Variants in DSCAM observed in about 807,000 individuals in gnomAD.
DSCAM encodes the protein cell adhesion molecule DSCAM.
A neutral mutation model predicts 217.7 loss-of-function variants in DSCAM; 47 were observed. The observed-to-expected ratio is 0.22, with a 90% CI of 0.17 to 0.28. The LOEUF (loss-of-function observed/expected upper bound fraction) is 0.28. Ranked by LOEUF, DSCAM falls within the 10% of genes least tolerant of loss-of-function variation. DSCAM has a pLI of 1.00. For synonymous variants in DSCAM, 1,056 were observed against 1,015.3 expected (o/e 1.04, Z -0.76); for missense variants, 2,080 against 2,618.3 (o/e 0.79, Z 4.49).
At chr21:40,519,347 C>A (rs1413083002) in intron 3 of DSCAM, among the ~76,000 whole-genome samples, 1 of 152,094 alleles carries the variant, frequency 6.6e-6, no homozygotes, top group Non-Finnish European at 1.5e-5. Flanking sequence ...AAAAAAGTCT[C>A]AGTGCTATGG....
At chr21:40,539,717 G>T (rs1334886931) in intron 3 of DSCAM, among the ~76,000 whole-genome samples, 1 of 151,934 alleles carries the variant, frequency 6.6e-6, no homozygotes, top group Admixed American at 6.6e-5. Flanking sequence ...AGATGAGAAG[G>T]GATATTATGA....
chr21:40,155,388 G>A (rs931430533), intron 16 of DSCAM, among the ~76,000 whole-genome samples: 8 of 152,184 alleles, frequency 5.3e-5, no homozygotes, highest in African/African-American at 1.2e-4. Context: ...ACTATTTAGC[G>A]GTGGCTGAGT....
At position 40,435,883 on chromosome 21, in the gene DSCAM, T is replaced by C. The variant is rs112395971; in HGVS notation, c.509-66638A>G. ...TTGATCTTTTCCCAGGCTAGCGATA[T>C]GTGATATGATACCCTCTCATGATGC... On this transcript the variant is annotated intron_variant, in intron 3 of 32. Coordinates refer to ENST00000400454, the MANE Select transcript of DSCAM (RefSeq NM_001389.5). Among the ~76,000 whole-genome samples the C allele has an allele frequency of 8.5e-3, 1,292 of 152,294 alleles. 14 individuals carry two copies. The highest frequency in any genetic ancestry group is 0.029 in the African/African-American group (1,218 of 41,552).
chr21:40,019,493 T>G lies in DSCAM; in HGVS notation c.5687-6107A>C, dbSNP rs2088223568. ...TAACTTAGATAATGCATGTGAAAGC[T>G]TTCCCTGGATTAAGGAATCTGTTTC... On this transcript the variant is annotated intron_variant, in intron 32 of 32. Coordinates refer to ENST00000400454, the MANE Select transcript of DSCAM (RefSeq NM_001389.5). Among the ~76,000 whole-genome samples the G allele has an allele frequency of 2.0e-5, 3 of 152,230 alleles. No individual in the cohort carries two copies. The South Asian group carries it at 6.2e-4, about 32-fold the overall frequency.
At chr21:40,583,928 T>C (rs1397577714) in intron 3 of DSCAM, among the ~76,000 whole-genome samples, 2 of 140,738 alleles carry the variant, frequency 1.4e-5, no homozygotes, top group Non-Finnish European at 1.5e-5. Context: ...AAAGCCCAGA[T>C]AGTAAAGGAT....
chr21:40,323,886 C>G (rs917767515), intron 8 of DSCAM, among the ~76,000 whole-genome samples: 5 of 151,814 alleles, frequency 3.3e-5, no homozygotes, highest in Non-Finnish European at 7.4e-5. Context: ...GGCGGATCAT[C>G]TGAGGTCAGG....
intron 1 of DSCAM, among the ~76,000 whole-genome samples, chr21:40,735,031 A>AT (rs1211703480): frequency 1.3e-5 from 2 of 152,102 alleles, no homozygotes; most frequent in African/African-American, 4.8e-5. Context: ...TCACAAATGA[A>AT]TTTTTAAAAA....
chr21:40,768,896 T>C (rs2091420074), intron 1 of DSCAM, among the ~76,000 whole-genome samples: 1 of 152,148 alleles, frequency 6.6e-6, no homozygotes, highest in Non-Finnish European at 1.5e-5. Flanking sequence ...GCATTTTCTT[T>C]GAAAAGGAAG....
intron 9 of DSCAM, among the ~76,000 whole-genome samples, chr21:40,303,899 G>A (rs576461115): frequency 2.6e-5 from 4 of 152,196 alleles, no homozygotes; most frequent in East Asian, 1.9e-4. Context: ...GTGAGAAAAC[G>A]GCCCTCCTTT....
intron 3 of DSCAM, among the ~76,000 whole-genome samples, chr21:40,561,600 A>G (rs1251895112): frequency 6.6e-6 from 1 of 152,116 alleles, no homozygotes; most frequent in Non-Finnish European, 1.5e-5. Context: ...CTTTTCTTCA[A>G]ATGGTTTATA....
Position 40,012,867 on chromosome 21 carries a change from C to T in DSCAM, c.*167G>A. The T allele has an allele frequency of 2.0e-6, 1 of 490,356 alleles. No individual in the cohort carries two copies. The highest frequency in any genetic ancestry group is 3.2e-6 in the Non-Finnish European group (1 of 311,482). 30.4% of individuals were successfully genotyped at this position (490,356 alleles called of 1,614,324 possible). On this transcript the variant is annotated 3_prime_UTR_variant, in exon 33 of 33. Coordinates refer to ENST00000400454, the MANE Select transcript of DSCAM (RefSeq NM_001389.5). The stretch of plus-strand genomic sequence containing the variant: ...AGCTCACACTCAGACAGAAAAAAAG[C>T]AGGAGAGTCTTTGCACTGTCTGTGG...
intron 14 of DSCAM, among the ~76,000 whole-genome samples, chr21:40,183,235 C>T (rs145993321): frequency 6.6e-5 from 10 of 152,272 alleles, no homozygotes; most frequent in Non-Finnish European, 1.2e-4. Flanking sequence ...AAACTGCAGA[C>T]GAATCTGCTG....
At chr21:40,219,835 T>C (rs1321040806) in intron 11 of DSCAM, among the ~76,000 whole-genome samples, 1 of 152,202 alleles carries the variant, frequency 6.6e-6, no homozygotes, top group Non-Finnish European at 1.5e-5. Context: ...TGTTTGTAAA[T>C]TAATACAAAT....
chr21:40,125,394 C>T (rs1181414956), intron 19 of DSCAM, among the ~76,000 whole-genome samples: 1 of 152,174 alleles, frequency 6.6e-6, no homozygotes, highest in Non-Finnish European at 1.5e-5. Context: ...TCTCATTAAC[C>T]TCACTGTCCA....
At position 40,812,794 on chromosome 21, in the gene DSCAM, C is replaced by T. The variant is rs534179349; in HGVS notation, c.43+33825G>A. ...CTTTAAGGAATTCACTTAAAGGTCA[C>T]GCACAACCCAGTTGATACAGAGACT... On this transcript the variant is annotated intron_variant, in intron 1 of 32. Transcript: ENST00000400454. 1.4e-4 allele frequency among the ~76,000 whole-genome samples: 22 copies of T among 152,196 alleles called. No individual in the cohort carries two copies. The East Asian group carries it at 1.7e-3, about 12-fold the overall frequency.
chr21:40,520,011 T>G (rs2076346500), intron 3 of DSCAM, among the ~76,000 whole-genome samples: 1 of 152,166 alleles, frequency 6.6e-6, no homozygotes, highest in Admixed American at 6.5e-5. Context: ...TTGTTGCCCC[T>G]GACTCTTAAT....
At chr21:40,101,901 C>T (rs995118564) in intron 20 of DSCAM, among the ~76,000 whole-genome samples, 2 of 152,070 alleles carry the variant, frequency 1.3e-5, no homozygotes, top group Admixed American at 6.6e-5. Context: ...GTTGGACTAT[C>T]GTTCTCTCCT....
chr21:40,370,136 C>T (rs545909512), intron 3 of DSCAM, among the ~76,000 whole-genome samples: 22 of 151,784 alleles, frequency 1.4e-4, no homozygotes, highest in Admixed American at 4.6e-4. Flanking sequence ...AGATATTTTT[C>T]GCTGTTCAAT....
intron 15 of DSCAM, among the ~76,000 whole-genome samples, chr21:40,175,819 A>ACGCACG (rs1359294077): frequency 2.0e-5 from 3 of 149,442 alleles, no homozygotes; most frequent in Admixed American, 6.7e-5. Context: ...GCACACACAC[A>ACGCACG]CACACGCACA....
Sources: gnomAD v4.1 joint callset for allele counts (sites outside exome capture counted in the v4.1 genomes callset) on GRCh38, gnomAD v4.1.1 for gene constraint, MANE v1.5 for transcripts, NCBI Gene and HGNC (gene_info 2026-07-23, HGNC 2026-07-21) for gene names.